The following PLVAP variants were observed in gnomAD, a reference collection of about 807,000 sequenced individuals.
The protein encoded by PLVAP is plasmalemma vesicle-associated protein.
In PLVAP, 34 loss-of-function variants were observed where a neutral mutation model predicts 43.1. The ratio of observed to expected loss-of-function variants is 0.79; its 90% CI spans 0.60 to 1.05. The LOEUF (loss-of-function observed/expected upper bound fraction) is 1.05. Among genes scored for constraint, PLVAP ranks in the 50% least tolerant of loss-of-function variants. PLVAP has a pLI of 0.00. For synonymous variants in PLVAP, 241 were observed against 237.3 expected, an observed-to-expected ratio of 1.02 and a Z score of -0.14; for missense variants, 574 against 593.4, an observed-to-expected ratio of 0.97 and a Z score of 0.34.
rs769343777 is a variant in PLVAP at position 17,352,059 on chromosome 19, C to T, written c.*303G>A. 92 of 465,272 alleles carry T rather than the reference C, an allele frequency of 2.0e-4. No homozygotes were observed. Among genetic ancestry groups the T allele is most frequent in the Middle Eastern group, 1.1e-3 (2 of 1,756 alleles). The allele number at this position is 465,272 out of a possible 1,614,324, so 28.8% of individuals were successfully genotyped here. Reference sequence around the variant, plus strand: ...ACGTGCTGCATCTGCACGACGCCATCGCTATATCTCTTCGTGACGTCTACA... The same window carrying T: ...ACGTGCTGCATCTGCACGACGCCATTGCTATATCTCTTCGTGACGTCTACA... On this transcript the variant is annotated 3_prime_UTR_variant, in exon 6 of 6. Transcript: ENST00000252590.
intron 1 of PLVAP, among the ~76,000 whole-genome samples, chr19:17,371,220 G>C (rs572271402): frequency 6.6e-6 from 1 of 150,930 alleles, no homozygotes; most frequent in South Asian, 2.1e-4. Flanking sequence ...AGAGTGCAGC[G>C]GTGTGATCTC....
At position 17,364,073 on chromosome 19, in the gene PLVAP, G is replaced by A. The variant is rs1170206433; in HGVS notation, c.1179+1213C>T. ...ATTTTTGTATTTTTTTTGTAGGGAT[G>A]GGGTTTTGTGTTTTGTTTGTTTGTT... is the stretch of plus-strand genomic sequence containing the variant. On this transcript the variant is annotated intron_variant, in intron 3 of 5. Transcript: ENST00000252590. Among the ~76,000 whole-genome samples, 4 of 150,192 alleles carry A rather than the reference G, an allele frequency of 2.7e-5. No homozygotes were observed. The South Asian group carries it at 6.3e-4, about 24-fold the overall frequency.
At chr19:17,363,891 C>T (rs1035326464) in intron 3 of PLVAP, among the ~76,000 whole-genome samples, 152 of 150,702 alleles carry the variant, frequency 1.0e-3, no homozygotes, top group African/African-American at 3.1e-3. Context: ...TACAGGCGCC[C>T]GCCACCACAC....
chr19:17,360,997 C>A, intron 3 of PLVAP, 165 bp from the exon 4 acceptor site: 1 of 631,476 alleles, frequency 1.6e-6, no homozygotes, highest in East Asian at 2.9e-5. Flanking sequence ...TCATTGCAAA[C>A]TCTGCCTCCC....
At chr19:17,366,493 T>C (rs2074550657) in intron 1 of PLVAP, among the ~76,000 whole-genome samples, 1 of 152,134 alleles carries the variant, frequency 6.6e-6, no homozygotes, top group African/African-American at 2.4e-5. Context: ...AAAAATATAG[T>C]GGATGTTTGT....
Position 17,358,578 on chromosome 19 carries a change from T to C in PLVAP, c.1322+1950A>G, listed in dbSNP as rs891290722. ...CCCCAGAGAGAGCACAGGCTATTCT[T>C]GGGGCGGTGGCCTGAGTCACCATCC... On this transcript the variant is annotated intron_variant, in intron 5 of 5. Coordinates refer to ENST00000252590, the MANE Select transcript of PLVAP (RefSeq NM_031310.3). Among the ~76,000 whole-genome samples, 3 of 152,042 alleles carry C rather than the reference T, an allele frequency of 2.0e-5. 1 individual carries two copies. Among genetic ancestry groups the C allele is most frequent in the South Asian group, 4.2e-4 (2 of 4,818 alleles).
rs1457500305 is a variant in PLVAP, at chr19:17,352,356, G to A, written c.*6C>T. ...CCATCCCTTGGTCCTCAGGCCTGGA[G>A]CCTCCTCAGCCACTAGGGCAGGAAG... On this transcript the variant is annotated 3_prime_UTR_variant, in exon 6 of 6. Coordinates refer to ENST00000252590, the MANE Select transcript of PLVAP (RefSeq NM_031310.3). The A allele has an allele frequency of 6.2e-6, 10 of 1,613,598 alleles. No homozygotes were observed. Among genetic ancestry groups the A allele is most frequent in the Admixed American group, 1.7e-5 (1 of 59,988 alleles).
rs2074545214 is a variant in PLVAP at position 17,365,497 on chromosome 19, T to C, written c.968A>G (p.Gln323Arg). The C allele has an allele frequency of 1.1e-5, 17 of 1,612,464 alleles. No homozygotes were observed. The highest frequency in any genetic ancestry group is 1.4e-5 in the Non-Finnish European group (16 of 1,180,022). ...GGCCTGAGCCTCCTTCTCCACCTTCTGTTTCGCCTCCTGACTGGCCCGCAG... is the reference window on the plus strand; with the variant it reads ...GGCCTGAGCCTCCTTCTCCACCTTCCGTTTCGCCTCCTGACTGGCCCGCAG... The part of the protein sequence containing the change: ...QGLRASQEAK[Q>R]KVEKEAQARE... The change falls in exon 3 of 6, where the codon CAG (glutamine) becomes CGG (arginine). Residue 323 changes from glutamine to arginine, a missense_variant. By Grantham distance (43) the Gln-to-Arg change is conservative. Transcript: ENST00000252590.
rs1320302317 is a variant in PLVAP, at chr19:17,365,468, C to A, written c.997G>T (p.Glu333Ter). Reference protein sequence around the residue: ...QKVEKEAQAREAKLQAECSRQ... With the variant: ...QKVEKEAQAR ...GAGCATTCAGCTTGGAGCTTGGCCT[C>A]CCGGGCCTGAGCCTCCTTCTCCACC... is the stretch of plus-strand genomic sequence containing the variant. The change falls in exon 3 of 6, where the codon GAG (glutamate) becomes TAG (stop). Residue 333 changes from glutamate (E) to a stop codon, truncating the protein, a stop_gained. Transcript: ENST00000252590. LOFTEE classifies it high-confidence loss of function. The A allele has an allele frequency of 6.2e-7, 1 of 1,612,734 alleles. No homozygotes were observed. Among genetic ancestry groups the A allele is most frequent in the African/African-American group, 1.3e-5 (1 of 74,950 alleles).
chr19:17,376,921 C>T lies in PLVAP; in HGVS notation c.368G>A (p.Arg123Gln), dbSNP rs761638522. Residue 123 changes from arginine to glutamine, a missense_variant and splice_region_variant, in exon 1 of 6, where the codon CGG becomes CAG. Coordinates refer to ENST00000252590, the MANE Select transcript of PLVAP (RefSeq NM_031310.3). ...NASFRQCQGD[R>Q]VIYTNNQRYM... is the part of the protein sequence containing the mutation. ...CGAGTGTCCTGCCCACAGCCTTACC[C>T]GGTCACCCTGGCACTGGCGGAAGCT... The T allele has an allele frequency of 7.4e-6, 12 of 1,611,628 alleles. No homozygotes were observed. Among genetic ancestry groups the T allele is most frequent in the East Asian group, 6.7e-5 (3 of 44,890 alleles).
intron 1 of PLVAP, among the ~76,000 whole-genome samples, chr19:17,372,430 A>T (rs1479165436): frequency 3.3e-5 from 5 of 149,562 alleles, no homozygotes; most frequent in African/African-American, 1.2e-4. Context: ...TAATAATAAT[A>T]AAATAATTAA....
At chr19:17,358,403 T>G (rs1830489304) in intron 5 of PLVAP, among the ~76,000 whole-genome samples, 1 of 152,092 alleles carries the variant, frequency 6.6e-6, no homozygotes, top group Admixed American at 6.6e-5. Flanking sequence ...AGACCCAGAA[T>G]GACAATAGCT....
At position 17,377,295 on chromosome 19, in the gene PLVAP, G is replaced by C. The variant is rs752866074; in HGVS notation, c.-7C>G. ...GCTCCATGGCCAGACCCATTTGCTCGATCCCGCCGTCCGGTGCACCGTCCC... is the reference window on the plus strand; with the variant it reads ...GCTCCATGGCCAGACCCATTTGCTCCATCCCGCCGTCCGGTGCACCGTCCC... On this transcript the variant is annotated 5_prime_UTR_variant, in exon 1 of 6. The change creates a new upstream start codon in the 5' untranslated region. Transcript: ENST00000252590. 1 of 1,602,146 alleles carries C rather than the reference G, an allele frequency of 6.2e-7. No individual in the cohort carries two copies. The highest frequency in any genetic ancestry group is 8.5e-7 in the Non-Finnish European group (1 of 1,172,954).
intron 1 of PLVAP, among the ~76,000 whole-genome samples, chr19:17,368,064 ATTTT>A (rs34115667): frequency 4.9e-4 from 37 of 76,022 alleles, no homozygotes; most frequent in East Asian, 2.4e-3. Context: ...TGCCCGGCTA[ATTTT>A]TTTTTTTTTT....
Position 17,366,086 on chromosome 19 carries a change from C to CCTTA in PLVAP, c.466+9_466+12dup, listed in dbSNP as rs756626542. 1.1e-5 allele frequency: 18 copies of CCTTA among 1,613,998 alleles called. No homozygotes were observed. Among genetic ancestry groups the CCTTA allele is most frequent in the Admixed American group, 8.3e-5 (5 of 59,996 alleles). The stretch of plus-strand genomic sequence containing the variant: ...AGTCCACCACCCCGGCTCCCTGCAG[C>CCTTA]CTTAGCACTCACCATCGCAGCTCTT... On this transcript the variant is annotated intron_variant, in intron 2 of 5. Coordinates refer to ENST00000252590, the MANE Select transcript of PLVAP (RefSeq NM_031310.3).
Position 17,352,210 on chromosome 19 carries a change from C to G in PLVAP, c.*152G>C. On this transcript the variant is annotated 3_prime_UTR_variant, in exon 6 of 6. Transcript: ENST00000252590. The stretch of plus-strand genomic sequence containing the variant: ...GCGCGGGTGCGGGTGTGAGAGGGTA[C>G]TAGGGGTTTGCATGCAGGGAGTTGT... The G allele has an allele frequency of 4.9e-6, 5 of 1,028,356 alleles. No individual in the cohort carries two copies. The highest frequency in any genetic ancestry group is 7.1e-6 in the Non-Finnish European group (5 of 707,154). 63.7% of individuals were successfully genotyped at this position (1,028,356 alleles called of 1,614,324 possible).
In PLVAP at chr19:17,376,974, A is replaced by G. The variant is rs1159898135; in HGVS notation, c.315T>C (p.Ala105=). The change falls in exon 1 of 6, where the codon GCT becomes GCC. Residue 105 remains alanine, a synonymous_variant. Transcript: ENST00000252590. Reference sequence around the variant, plus strand: ...CATTGATGCGGTCCAGGTCGCGGCGAGCATTCAGCCACATCTGCATGATGG... The same window carrying G: ...CATTGATGCGGTCCAGGTCGCGGCGGGCATTCAGCCACATCTGCATGATGG... ...KDAIMQMWLN[A]RRDLDRINAS... The G allele has an allele frequency of 6.2e-7, 1 of 1,614,012 alleles. No individual in the cohort carries two copies. Among genetic ancestry groups the G allele is most frequent in the South Asian group, 1.1e-5 (1 of 91,072 alleles).
chr19:17,374,813 T>C (rs2074588174), intron 1 of PLVAP, among the ~76,000 whole-genome samples: 1 of 139,780 alleles, frequency 7.2e-6, no homozygotes, highest in African/African-American at 2.6e-5. Context: ...TATGTATGTA[T>C]GTATGTATGT....
intron 1 of PLVAP, among the ~76,000 whole-genome samples, chr19:17,370,393 G>A (rs1198633051): frequency 6.6e-6 from 1 of 152,196 alleles, no homozygotes; most frequent in African/African-American, 2.4e-5. Flanking sequence ...GAACCCAAAT[G>A]CCTGTCAGCA....
Sources: allele counts gnomAD v4.1 joint callset (sites outside exome capture counted in the v4.1 genomes callset), GRCh38; gene constraint gnomAD v4.1.1; transcripts MANE v1.5; gene names NCBI Gene and HGNC (gene_info 2026-07-23, HGNC 2026-07-21).